Variants in PSAP observed in about 807,000 individuals in gnomAD.
The protein encoded by PSAP is prosaposin, also known as precursor of saposins.
PSAP carries 25 observed loss-of-function variants against 66.0 expected under a neutral mutation model. The ratio of observed to expected loss-of-function variants is 0.38; its 90% CI spans 0.28 to 0.53. The LOEUF (loss-of-function observed/expected upper bound fraction) is 0.53. Ranked by LOEUF, PSAP falls within the 20% of genes least tolerant of loss-of-function variation. The pLI, the probability that PSAP is intolerant of heterozygous loss-of-function variation, is 0.83. For synonymous variants in PSAP, 273 were observed against 258.9 expected (o/e 1.05, Z -0.52); for missense variants, 649 against 668.8 (o/e 0.97, Z 0.33).
Position 71,819,628 on chromosome 10 carries a change from T to C in PSAP, c.1193-6A>G. The C allele has an allele frequency of 2.5e-6, 4 of 1,614,098 alleles. No individual in the cohort carries two copies. Among genetic ancestry groups the C allele is most frequent in the Non-Finnish European group, 3.4e-6 (4 of 1,180,012 alleles). On this transcript the variant is annotated splice_polypyrimidine_tract_variant and splice_region_variant and intron_variant, in intron 10 of 13. Coordinates refer to ENST00000394936, the MANE Select transcript of PSAP (RefSeq NM_002778.4). ...CTTTGGCTGAGTCACGTGAACTACATAAGAGGGCAGCGGGCTCAACGCTGG... is the reference window on the plus strand; with the variant it reads ...CTTTGGCTGAGTCACGTGAACTACACAAGAGGGCAGCGGGCTCAACGCTGG...
intron 1 of PSAP, among the ~76,000 whole-genome samples, chr10:71,848,589 C>T (rs1466044557): frequency 6.6e-6 from 1 of 152,172 alleles, no homozygotes; most frequent in African/African-American, 2.4e-5. Context: ...AAGCAAGTGT[C>T]TCTACCACCA....
chr10:71,820,378 C>G, intron 8 of PSAP, 43 bp from the exon 9 acceptor site: 1 of 1,544,190 alleles, frequency 6.5e-7, no homozygotes, highest in Non-Finnish European at 9.0e-7. Context: ...TGCTGGGACT[C>G]ACAGCCCTTG....
Position 71,819,815 on chromosome 10 carries a change from T to TAC in PSAP, c.1089_1090dup (p.Tyr364CysfsTer34). 6.2e-7 allele frequency: 1 copy of TAC among 1,614,012 alleles called. No homozygotes were observed. Among genetic ancestry groups the TAC allele is most frequent in the Non-Finnish European group, 8.5e-7 (1 of 1,179,964 alleles). ...CAGGATGGACAGGATGGAGCTGCCG[T>TAC]ACGTGTCCACCACCTCCTGGCACTC... On this transcript the variant is annotated frameshift_variant, in exon 10 of 14. Coordinates refer to ENST00000394936, the MANE Select transcript of PSAP (RefSeq NM_002778.4). LOFTEE classifies it high-confidence loss of function.
rs1416080188 is a variant in PSAP at position 71,825,874 on chromosome 10, T to C, written c.740A>G (p.Gln247Arg). ...MADICKNYIS[Q>R]YSEIAIQMMM... ...CATCTGGATAGCAATTTCAGAATAC[T>C]GGCTGATATAGTTCTTGCACTGAGG... is the stretch of plus-strand genomic sequence containing the variant. Residue 247 changes from glutamine (Q) to arginine (R), a missense_variant, in exon 7 of 14, where the codon CAG becomes CGG. Coordinates refer to ENST00000394936, the MANE Select transcript of PSAP (RefSeq NM_002778.4). The C allele has an allele frequency of 6.2e-7, 1 of 1,613,680 alleles. No individual in the cohort carries two copies. Among genetic ancestry groups the C allele is most frequent in the South Asian group, 1.1e-5 (1 of 91,074 alleles).
chr10:71,838,888 C>T (rs1842676864), intron 1 of PSAP, among the ~76,000 whole-genome samples: 1 of 152,154 alleles, frequency 6.6e-6, no homozygotes, highest in African/African-American at 2.4e-5. Context: ...GTGGGCTGAA[C>T]TAAAAGAGCT....
At chr10:71,834,858 G>C (rs1002932597) in intron 1 of PSAP, among the ~76,000 whole-genome samples, 12 of 152,166 alleles carry the variant, frequency 7.9e-5, no homozygotes, top group Admixed American at 1.3e-4. Context: ...GAAACCATAG[G>C]AGAAAAGACT....
chr10:71,843,494 C>G (rs1842766790), intron 1 of PSAP, among the ~76,000 whole-genome samples: 1 of 152,176 alleles, frequency 6.6e-6, no homozygotes, highest in African/African-American at 2.4e-5. Flanking sequence ...CAAATACTGG[C>G]CAAAAGAACT....
intron 1 of PSAP, among the ~76,000 whole-genome samples, chr10:71,844,295 G>A (rs1842780961): frequency 6.6e-6 from 1 of 152,220 alleles, no homozygotes; most frequent in South Asian, 2.1e-4. Context: ...TACACAAGGA[G>A]ACATGTACGA....
intron 7 of PSAP, among the ~76,000 whole-genome samples, chr10:71,823,419 G>A (rs922436218): frequency 2.0e-5 from 3 of 152,270 alleles, no homozygotes; most frequent in Admixed American, 1.3e-4. Context: ...TGCTCATGCA[G>A]CAGAAGCATT....
rs12414356 is a variant in PSAP, at chr10:71,831,809, C to T, written c.249+37G>A. The T allele has an allele frequency of 0.018, 28,820 of 1,596,554 alleles. 298 individuals carry two copies. The highest frequency in any genetic ancestry group is 0.022 in the Non-Finnish European group (25,420 of 1,164,850). ...TCTCTTAGGAACCAGTGCACGTGCC[C>T]GTGGCTCAAGCACCATCCCCACTCA... On this transcript the variant is annotated intron_variant, in intron 3 of 13. Transcript: ENST00000394936.
intron 2 of PSAP, among the ~76,000 whole-genome samples, chr10:71,833,784 G>A (rs976016021): frequency 6.6e-6 from 1 of 152,178 alleles, no homozygotes; most frequent in African/African-American, 2.4e-5. Context: ...GCTACATTTA[G>A]CATTATTTAG....
At chr10:71,839,484 C>G (rs1008605400) in intron 1 of PSAP, among the ~76,000 whole-genome samples, 2 of 152,142 alleles carry the variant, frequency 1.3e-5, no homozygotes, top group Non-Finnish European at 2.9e-5. Flanking sequence ...GTGATCCACC[C>G]GCCTCGGCCT....
chr10:71,850,695 G>A (rs1394177685), intron 1 of PSAP, among the ~76,000 whole-genome samples: 1 of 152,220 alleles, frequency 6.6e-6, no homozygotes, highest in African/African-American at 2.4e-5. Flanking sequence ...ATATGCAAAC[G>A]TCAATATAGA....
intron 8 of PSAP, 86 bp from the exon 9 acceptor site, chr10:71,820,421 G>A (rs1484366226): frequency 8.8e-6 from 10 of 1,132,238 alleles, no homozygotes; most frequent in South Asian, 8.7e-5. Flanking sequence ...GGGACACAGA[G>A]ACCAGGGTGG....
intron 1 of PSAP, among the ~76,000 whole-genome samples, chr10:71,838,764 AAG>A (rs975808316): frequency 1.2e-4 from 18 of 152,206 alleles, no homozygotes; most frequent in African/African-American, 4.1e-4. Context: ...TCAGAAAAAA[AAG>A]AGAGAATGAG....
rs759428533 is a variant in PSAP, at chr10:71,834,405, G to A, written c.141C>T (p.His47=). 4.3e-5 allele frequency: 70 copies of A among 1,613,942 alleles called. No individual in the cohort carries two copies. The highest frequency in any genetic ancestry group is 5.7e-5 in the Non-Finnish European group (67 of 1,180,032). ...GCTTGTTCCAAACGGTCTGCAGGCA[G>A]TGCTTCACTGCCCCGCAGTCGGACG... ...KTASDCGAVK[H]CLQTVWNKPT... The change falls in exon 2 of 14, where the codon CAC becomes CAT. Residue 47 remains histidine (H), a synonymous_variant. Transcript: ENST00000394936.
In PSAP at chr10:71,819,819, T is replaced by C. The variant is rs1416396607; in HGVS notation, c.1087A>G (p.Thr363Ala). 1 of 1,614,058 alleles carries C rather than the reference T, an allele frequency of 6.2e-7. No homozygotes were observed. Among genetic ancestry groups the C allele is most frequent in the Non-Finnish European group, 8.5e-7 (1 of 1,179,982 alleles). ...ATGGACAGGATGGAGCTGCCGTACG[T>C]GTCCACCACCTCCTGGCACTCTTCC... ...LSEECQEVVD[T>A]YGSSILSILL... Residue 363 changes from threonine to alanine, a missense_variant, in exon 10 of 14, where the codon ACG becomes GCG. Physicochemically the swap from Thr to Ala is moderately conservative, Grantham distance 58. Coordinates refer to ENST00000394936, the MANE Select transcript of PSAP (RefSeq NM_002778.4).
chr10:71,849,509 G>C (rs1842884047), intron 1 of PSAP, among the ~76,000 whole-genome samples: 1 of 152,092 alleles, frequency 6.6e-6, no homozygotes, highest in East Asian at 1.9e-4. Context: ...GCTGAGGCGG[G>C]AGAATGGCTT....
Position 71,825,895 on chromosome 10 carries a change from T to C in PSAP, c.721-2A>G. 6.2e-7 allele frequency: 1 copy of C among 1,612,702 alleles called. No homozygotes were observed. The highest frequency in any genetic ancestry group is 8.5e-7 in the Non-Finnish European group (1 of 1,178,732). On this transcript the variant is annotated splice_acceptor_variant, in intron 6 of 13. Transcript: ENST00000394936. LOFTEE classifies it high-confidence loss of function. ...ATACTGGCTGATATAGTTCTTGCAC[T>C]GAGGAGAGAGAAACAGATTGCTAAA...
Sources: allele counts gnomAD v4.1 joint callset (sites outside exome capture counted in the v4.1 genomes callset), GRCh38; gene constraint gnomAD v4.1.1; transcripts MANE v1.5; gene names NCBI Gene and HGNC (gene_info 2026-07-23, HGNC 2026-07-21).